EIPR1: variants seen among roughly 807,000 people sequenced by gnomAD.
EIPR1 encodes EARP complex and GARP complex interacting protein 1.
In EIPR1, 25 loss-of-function variants were observed where a neutral mutation model predicts 48.1. The ratio of observed to expected loss-of-function variants is 0.52; its 90% CI spans 0.38 to 0.73. EIPR1 has a LOEUF of 0.73. EIPR1 is among the 30% of genes least tolerant of loss of function. The pLI, the probability that EIPR1 is intolerant of heterozygous loss-of-function variation, is 0.00. For synonymous variants in EIPR1, 204 were observed against 201.9 expected, an observed-to-expected ratio of 1.01 and a Z score of -0.09; for missense variants, 415 against 506.2, an observed-to-expected ratio of 0.82 and a Z score of 1.73.
At chr2:3,246,448 T>C (rs1046126402) in intron 4 of EIPR1, among the ~76,000 whole-genome samples, 2 of 152,160 alleles carry the variant, frequency 1.3e-5, no homozygotes, top group African/African-American at 4.8e-5. Context: ...CTGTGCCCTT[T>C]TCTTTTCTTC....
intron 3 of EIPR1, among the ~76,000 whole-genome samples, chr2:3,288,394 G>A (rs746483871): frequency 2.6e-5 from 4 of 152,226 alleles, no homozygotes; most frequent in Non-Finnish European, 5.9e-5. Context: ...GAACAAGGAG[G>A]TGATGTGAAA....
At chr2:3,283,411 C>T (rs944886400) in intron 3 of EIPR1, among the ~76,000 whole-genome samples, 2 of 152,206 alleles carry the variant, frequency 1.3e-5, no homozygotes, top group East Asian at 1.9e-4. Context: ...TAGCAGGTGG[C>T]GGGGCCACTC....
intron 5 of EIPR1, among the ~76,000 whole-genome samples, chr2:3,213,282 C>A (rs1166052504): frequency 2.6e-5 from 4 of 152,038 alleles, no homozygotes; most frequent in African/African-American, 4.8e-5. Flanking sequence ...TTAACATAAA[C>A]AAACGCAATG....
rs192491346 is a variant in EIPR1, at chr2:3,297,218, G to A, written c.260-39763C>T. Among the ~76,000 whole-genome samples the A allele has an allele frequency of 1.6e-3, 238 of 152,340 alleles. 1 individual carries two copies. The highest frequency in any genetic ancestry group is 5.0e-3 in the South Asian group (24 of 4,830). ...TGTGGGACACTGTGAAAACAGCATC[G>A]ATGGAATCCGACTACGGAATAAAGA... On this transcript the variant is annotated intron_variant, in intron 3 of 8. Transcript: ENST00000382125.
At chr2:3,202,275 TGAA>T (rs1245905964) in intron 5 of EIPR1, among the ~76,000 whole-genome samples, 1 of 152,208 alleles carries the variant, frequency 6.6e-6, no homozygotes, top group Admixed American at 6.5e-5. Flanking sequence ...ACAATATGAA[TGAA>T]GAAATACCTT....
At chr2:3,245,729 CT>C (rs1666775453) in intron 4 of EIPR1, among the ~76,000 whole-genome samples, 1 of 152,212 alleles carries the variant, frequency 6.6e-6, no homozygotes, top group African/African-American at 2.4e-5. Flanking sequence ...CGCATCTAGG[CT>C]GGCTAAAGCC....
chr2:3,246,525 C>T (rs1326565440), intron 4 of EIPR1, among the ~76,000 whole-genome samples: 1 of 127,494 alleles, frequency 7.8e-6, no homozygotes, highest in Non-Finnish European at 1.7e-5. Flanking sequence ...GCCTGTCTGG[C>T]ATTTCACTGT....
At chr2:3,318,766 A>G (rs1669396883) in intron 3 of EIPR1, 1 of 450,872 alleles carries the variant, frequency 2.2e-6, no homozygotes, top group Non-Finnish European at 4.7e-6. Flanking sequence ...TGAAGCCAAA[A>G]TACATCTGGT....
At position 3,286,240 on chromosome 2, in the gene EIPR1, T is replaced by C. The variant is rs1296065023; in HGVS notation, c.260-28785A>G. Among the ~76,000 whole-genome samples the C allele has an allele frequency of 6.6e-6, 1 of 152,102 alleles. No individual in the cohort carries two copies. Among genetic ancestry groups the C allele is most frequent in the African/African-American group, 2.4e-5 (1 of 41,410 alleles). ...TTGTTTTTATGCTAATAAAAAAAAA[T>C]AGGTTGGCCTCATTTACAAACCCAG... On this transcript the variant is annotated intron_variant, in intron 3 of 8. Coordinates refer to ENST00000382125, the MANE Select transcript of EIPR1 (RefSeq NM_003310.5). The surrounding 1 kb of genome is among the most constrained non-coding windows in gnomAD (Gnocchi z 4.2).
At chr2:3,299,659 CTT>C (rs1219834368) in intron 3 of EIPR1, among the ~76,000 whole-genome samples, 4 of 151,230 alleles carry the variant, frequency 2.6e-5, no homozygotes, top group South Asian at 2.1e-4. Flanking sequence ...CACACACACA[CTT>C]TGAGTTATGG....
chr2:3,337,903 T>C, intron 3 of EIPR1, 114 bp downstream of exon 3: 1 of 1,196,246 alleles, frequency 8.4e-7, no homozygotes, highest in East Asian at 2.5e-5. Context: ...AACACCTTCA[T>C]TAATGGCTAA....
chr2:3,238,383 G>T (rs1173010696), intron 4 of EIPR1, among the ~76,000 whole-genome samples: 1 of 152,208 alleles, frequency 6.6e-6, no homozygotes, highest in African/African-American at 2.4e-5. Context: ...GCCGCGGGAG[G>T]TCCTGTCGCC....
intron 3 of EIPR1, among the ~76,000 whole-genome samples, chr2:3,288,583 G>C (rs1247197691): frequency 6.6e-6 from 1 of 152,178 alleles, no homozygotes; most frequent in East Asian, 1.9e-4. Flanking sequence ...GGCCCTTACA[G>C]GGCAGATGCG....
intron 4 of EIPR1, among the ~76,000 whole-genome samples, chr2:3,238,842 G>C (rs1028064908): frequency 6.6e-6 from 1 of 152,176 alleles, no homozygotes; most frequent in Non-Finnish European, 1.5e-5. Flanking sequence ...CAAGGACAGC[G>C]GGCCCTCCGG....
intron 8 of EIPR1, among the ~76,000 whole-genome samples, chr2:3,190,477 C>T (rs1664566874): frequency 2.0e-5 from 3 of 152,180 alleles, no homozygotes; most frequent in African/African-American, 7.2e-5. Flanking sequence ...GGTGCAAATC[C>T]TTAGGAGGAA....
intron 4 of EIPR1, among the ~76,000 whole-genome samples, chr2:3,243,109 C>T (rs893639621): frequency 1.3e-5 from 2 of 152,176 alleles, no homozygotes; most frequent in African/African-American, 4.8e-5. Flanking sequence ...TCTGTGTTTA[C>T]TCAGACATCT....
At chr2:3,235,438 A>ACACACACACACG (rs1666373872) in intron 4 of EIPR1, among the ~76,000 whole-genome samples, 1 of 151,944 alleles carries the variant, frequency 6.6e-6, no homozygotes, top group Non-Finnish European at 1.5e-5. Flanking sequence ...ACACACACAC[A>ACACACACACACG]CGCGTGCGCG....
intron 4 of EIPR1, among the ~76,000 whole-genome samples, chr2:3,218,292 T>C (rs1457792034): frequency 5.2e-5 from 7 of 133,342 alleles, no homozygotes; most frequent in Admixed American, 1.5e-4. Flanking sequence ...AACACGGCCC[T>C]GATACACTCT....
At chr2:3,196,757 A>G (rs1664820276) in intron 6 of EIPR1, 124 bp downstream of exon 6, 5 of 1,364,932 alleles carry the variant, frequency 3.7e-6, no homozygotes, top group Non-Finnish European at 4.8e-6. Context: ...TCCTACAAAA[A>G]CGAGATAAAG....
Sources: gnomAD v4.1 joint callset for allele counts (sites outside exome capture counted in the v4.1 genomes callset) on GRCh38, gnomAD v4.1.1 for gene constraint, Gnocchi (gnomAD v3.1) non-coding constraint, MANE v1.5 for transcripts, NCBI Gene and HGNC (gene_info 2026-07-23, HGNC 2026-07-21) for gene names.